The following TENM1 variants were observed in gnomAD, a reference collection of about 807,000 sequenced individuals.
TENM1 encodes teneurin transmembrane protein 1, also known as teneurin-1.
In TENM1, 35 loss-of-function variants were observed where a neutral mutation model predicts 174.8. The observed-to-expected ratio is 0.20, with a 90% CI of 0.15 to 0.27. TENM1 has a LOEUF of 0.27. Ranked by LOEUF, TENM1 falls within the 10% of genes least tolerant of loss-of-function variation. The pLI, the probability that TENM1 is intolerant of heterozygous loss-of-function variation, is 1.00. For missense variants in TENM1, 1,633 were observed against 2,130.1 expected (o/e 0.77, Z 4.59); for synonymous variants, 781 against 798.7 (o/e 0.98, Z 0.37).
the TENM1 span, among the ~76,000 whole-genome samples, chrX:125,023,353 G>C: frequency 9.0e-6 from 1 of 110,996 alleles, no homozygotes; most frequent in Non-Finnish European, 1.9e-5. Context: ...TATAAGTTTC[G>C]TGAGGCCTCC....
At chrX:125,116,324 T>C in the TENM1 span, among the ~76,000 whole-genome samples, 4 of 111,986 alleles carry the variant, frequency 3.6e-5, no homozygotes, top group Non-Finnish European at 7.5e-5. Flanking sequence ...GACATAGGCA[T>C]GGACAAAGAC....
intron 3 of TENM1, among the ~76,000 whole-genome samples, chrX:124,804,288 A>G (rs899830608): frequency 2.7e-5 from 3 of 112,222 alleles, no homozygotes; most frequent in South Asian, 7.3e-4. Flanking sequence ...TTATGATTCA[A>G]AGAGGACCTT....
chrX:124,568,484 G>A (rs1001261058), intron 11 of TENM1, among the ~76,000 whole-genome samples: 10 of 111,546 alleles, frequency 9.0e-5, no homozygotes, highest in South Asian at 7.5e-4. Context: ...AAATACTATC[G>A]TTTAATAATA....
chrX:124,931,931 C>A (rs982507794), intron 1 of TENM1, among the ~76,000 whole-genome samples: 1 of 110,800 alleles, frequency 9.0e-6, no homozygotes, highest in African/African-American at 3.3e-5. Context: ...AAAGGCCTTA[C>A]TTCCCCATAG....
the TENM1 span, among the ~76,000 whole-genome samples, chrX:125,154,924 T>C: frequency 9.0e-6 from 1 of 111,508 alleles, no homozygotes; most frequent in Non-Finnish European, 1.9e-5. Flanking sequence ...ATAAAGGCAG[T>C]GTGGACCCAA....
chrX:124,646,240 C>T (rs988210612), intron 9 of TENM1, among the ~76,000 whole-genome samples: 1 of 112,240 alleles, frequency 8.9e-6, no homozygotes, highest in Non-Finnish European at 1.9e-5. Flanking sequence ...TTTGTAGGCT[C>T]CTTACTCATT....
the TENM1 span, among the ~76,000 whole-genome samples, chrX:124,996,827 T>G: frequency 7.2e-5 from 8 of 111,395 alleles, no homozygotes; most frequent in African/African-American, 2.3e-4. Context: ...CTTGCCCACT[T>G]GGCCATCATA....
intron 6 of TENM1, among the ~76,000 whole-genome samples, chrX:124,656,562 G>T (rs1218973453): frequency 1.8e-5 from 2 of 111,815 alleles, no homozygotes; most frequent in African/African-American, 6.5e-5. Flanking sequence ...TATTAGAGAA[G>T]AGACATTCTC....
At chrX:124,499,962 C>T (rs1160259513) in intron 19 of TENM1, among the ~76,000 whole-genome samples, 1 of 110,760 alleles carries the variant, frequency 9.0e-6, no homozygotes, top group Non-Finnish European at 1.9e-5. Flanking sequence ...TTTTTTATAT[C>T]AATATAATGG....
In TENM1 at chrX:124,425,469, G is replaced by A. The variant is rs755832326; in HGVS notation, c.4105-2831C>T. 3.6e-5 allele frequency among the ~76,000 whole-genome samples: 4 copies of A among 111,618 alleles called. No individual in the cohort carries two copies. The Admixed American group carries it at 3.8e-4, about 11-fold the overall frequency. On this transcript the variant is annotated intron_variant, in intron 23 of 31. Transcript: ENST00000422452. The stretch of plus-strand genomic sequence containing the variant: ...CATAAGGGTGGGGTCCCCATGATGG[G>A]ACTGGTGGCTTTATAAGAAGAGGAA...
intron 22 of TENM1, among the ~76,000 whole-genome samples, chrX:124,471,194 A>ATATAATATATAGTACTATATAT (rs1407789147): frequency 3.1e-5 from 2 of 64,574 alleles, no homozygotes; most frequent in Non-Finnish European, 5.5e-5. Flanking sequence ...AATATATATT[A>ATATAATATATAGTACTATATAT]TATAATATAT....
At chrX:125,102,766 C>T in the TENM1 span, among the ~76,000 whole-genome samples, 1 of 112,313 alleles carries the variant, frequency 8.9e-6, no homozygotes, top group Non-Finnish European at 1.9e-5. Flanking sequence ...TAGACATACC[C>T]TTGAAAAGTT....
intron 1 of TENM1, among the ~76,000 whole-genome samples, chrX:124,956,757 T>C (rs2058579716): frequency 8.9e-6 from 1 of 112,346 alleles, no homozygotes; most frequent in Non-Finnish European, 1.9e-5. Flanking sequence ...TCATTAAATG[T>C]GATCAAATTC....
At chrX:124,550,546 G>C (rs1348135536) in intron 14 of TENM1, among the ~76,000 whole-genome samples, 1 of 110,980 alleles carries the variant, frequency 9.0e-6, no homozygotes, top group Non-Finnish European at 1.9e-5. Flanking sequence ...GCTAAATGTA[G>C]TTGCAGTGGG....
At chrX:124,868,329 C>A (rs753602145) in intron 3 of TENM1, among the ~76,000 whole-genome samples, 1 of 111,344 alleles carries the variant, frequency 9.0e-6, no homozygotes, top group South Asian at 3.8e-4. Flanking sequence ...AATCCACACA[C>A]CTACAGTAAA....
intron 1 of TENM1, among the ~76,000 whole-genome samples, chrX:124,901,897 T>C (rs761733480): frequency 9.8e-5 from 11 of 111,776 alleles, no homozygotes; most frequent in Non-Finnish European, 1.7e-4. Flanking sequence ...CCTGAGAAAT[T>C]TGGGATATAA....
At chrX:125,160,949 A>T in the TENM1 span, among the ~76,000 whole-genome samples, 1 of 108,520 alleles carries the variant, frequency 9.2e-6, no homozygotes, top group Non-Finnish European at 1.9e-5. Context: ...TATATACCCC[A>T]AAAAACTGAA....
intron 5 of TENM1, among the ~76,000 whole-genome samples, chrX:124,691,481 C>T (rs752492932): frequency 8.9e-6 from 1 of 112,097 alleles, no homozygotes; most frequent in East Asian, 2.8e-4. Context: ...AAGCTTGCAG[C>T]ACAGTTTGAT....
chrX:125,183,100 C>T, the TENM1 span, among the ~76,000 whole-genome samples: 1 of 112,097 alleles, frequency 8.9e-6, no homozygotes, highest in African/African-American at 3.2e-5. Flanking sequence ...GATTCATGAA[C>T]TTCATTTACT....
Sources: gnomAD v4.1 joint callset for allele counts (sites outside exome capture counted in the v4.1 genomes callset) on GRCh38, gnomAD v4.1.1 for gene constraint, MANE v1.5 for transcripts, NCBI Gene and HGNC (gene_info 2026-07-23, HGNC 2026-07-21) for gene names.